RSPH6A: variants seen among roughly 807,000 people sequenced by gnomAD.
RSPH6A encodes the protein radial spoke head 6 homolog A.
In RSPH6A, 49 loss-of-function variants were observed where a neutral mutation model predicts 66.1. The ratio of observed to expected loss-of-function variants is 0.74; its 90% CI spans 0.59 to 0.94. The LOEUF (loss-of-function observed/expected upper bound fraction) is 0.94, where lower values mean the gene tolerates loss of function less well. Ranked by LOEUF, RSPH6A falls within the 40% of genes least tolerant of loss-of-function variation. The probability of loss-of-function intolerance (pLI) is 0.00; values close to 1 mark genes in which losing one functional copy is unlikely to be tolerated. For missense variants in RSPH6A, 977 were observed against 948.3 expected (o/e 1.03, Z -0.40); for synonymous variants, 419 against 402.4 (o/e 1.04, Z -0.49).
intron 2 of RSPH6A, among the ~76,000 whole-genome samples, chr19:45,807,134 C>T (rs1412507579): frequency 1.3e-5 from 2 of 151,756 alleles, no homozygotes; most frequent in Non-Finnish European, 2.9e-5. Context: ...CCTCGTGATC[C>T]GCCCGTCTTG....
Position 45,804,127 on chromosome 19 carries a change from TG to T in RSPH6A, c.1653+124del, listed in dbSNP as rs1195188425. On this transcript the variant is annotated intron_variant, in intron 3 of 5. Coordinates refer to ENST00000221538, the MANE Select transcript of RSPH6A (RefSeq NM_030785.4). This position sits in a 1 kb window ranked among gnomAD's most constrained non-coding sequence, Gnocchi z 5.8. ...AATATCTGTTGAACCAATGAATGGA[TG>T]GATGAATGAACGAATGAATATTAGT... The T allele has an allele frequency of 5.5e-6, 4 of 732,664 alleles. No individual in the cohort carries two copies. In the African/African-American group the frequency reaches 7.1e-5, roughly 13 times the overall value. The allele number at this position is 732,664 out of a possible 1,614,324, so 45.4% of individuals were successfully genotyped here.
In RSPH6A at chr19:45,804,319, A is replaced by C. The variant is rs1196948357; in HGVS notation, c.1586T>G (p.Ile529Ser). The change falls in exon 3 of 6, where the codon ATC becomes AGC. Residue 529 changes from isoleucine (I) to serine (S), a missense_variant. By Grantham distance (142) the Ile-to-Ser change is moderately radical. Coordinates refer to ENST00000221538, the MANE Select transcript of RSPH6A (RefSeq NM_030785.4). This position sits in a 1 kb window ranked among gnomAD's most constrained non-coding sequence, Gnocchi z 5.8. The stretch of plus-strand genomic sequence containing the variant: ...GGAGTCGACCAGCTCCAGCACGGGG[A>C]TGCCCTCGAAGTCCGGGTTCTCCTC... ...SYEENPDFEG[I>S]PVLELVDSMA... 6.2e-7 allele frequency: 1 copy of C among 1,614,044 alleles called. No homozygotes were observed. Among genetic ancestry groups the C allele is most frequent in the East Asian group, 2.2e-5 (1 of 44,886 alleles).
chr19:45,799,287 G>A (rs1332862761), intron 5 of RSPH6A, among the ~76,000 whole-genome samples: 1 of 152,254 alleles, frequency 6.6e-6, no homozygotes, highest in East Asian at 1.9e-4. Context: ...GCTGCCAGGT[G>A]CCTGCGGGGG....
At position 45,804,293 on chromosome 19, in the gene RSPH6A, T is replaced by C. The variant is rs749738592; in HGVS notation, c.1612A>G (p.Met538Val). 10 of 1,613,708 alleles carry C rather than the reference T, an allele frequency of 6.2e-6. No homozygotes were observed. In the Admixed American group the frequency reaches 1.0e-4, roughly 16 times the overall value. ...TGTGTGTGATGCACCCAGTTGGCCA[T>C]GGAGTCGACCAGCTCCAGCACGGGG... ...GIPVLELVDS[M>V]ANWVHHTQHI... Residue 538 changes from methionine (M) to valine (V), a missense_variant, in exon 3 of 6, where the codon ATG becomes GTG. Coordinates refer to ENST00000221538, the MANE Select transcript of RSPH6A (RefSeq NM_030785.4). This position sits in a 1 kb window ranked among gnomAD's most constrained non-coding sequence, Gnocchi z 5.8.
intron 1 of RSPH6A, among the ~76,000 whole-genome samples, chr19:45,812,314 C>G (rs1970640588): frequency 6.6e-6 from 1 of 152,028 alleles, no homozygotes; most frequent in South Asian, 2.1e-4. Flanking sequence ...GTCTCAAACT[C>G]CTGGACTCAA....
intron 4 of RSPH6A, among the ~76,000 whole-genome samples, chr19:45,800,786 T>TCC (rs1970463616): frequency 7.2e-6 from 1 of 139,222 alleles, no homozygotes; most frequent in African/African-American, 2.7e-5. Flanking sequence ...TCTCTCTCTC[T>TCC]CTCTCGCTCT....
Position 45,810,713 on chromosome 19 carries a change from G to T in RSPH6A, c.778C>A (p.Arg260=). The T allele has an allele frequency of 6.2e-7, 1 of 1,613,886 alleles. No homozygotes were observed. The highest frequency in any genetic ancestry group is 8.5e-7 in the Non-Finnish European group (1 of 1,179,986). Residue 260 remains arginine (R), a synonymous_variant, in exon 2 of 6, where the codon CGG becomes AGG. Transcript: ENST00000221538. The part of the protein sequence containing the change: ...EWFHPKLDTL[R]DDPEMQPTYK... Reference sequence around the variant, plus strand: ...GTGGGCTGCATCTCGGGGTCGTCCCGCAGCGTGTCCAGCTTGGGGTGGAAC... The same window carrying T: ...GTGGGCTGCATCTCGGGGTCGTCCCTCAGCGTGTCCAGCTTGGGGTGGAAC...
At chr19:45,796,133 A>T in intron 5 of RSPH6A, 27 bp from the exon 6 acceptor site, 36 of 1,413,048 alleles carry the variant, frequency 2.5e-5, no homozygotes, top group South Asian at 1.4e-4. Flanking sequence ...ACACTGTGAA[A>T]TTCTCCCTCA....
At chr19:45,807,231 T>A (rs1029794512) in intron 2 of RSPH6A, among the ~76,000 whole-genome samples, 7 of 151,502 alleles carry the variant, frequency 4.6e-5, no homozygotes, top group African/African-American at 9.7e-5. Flanking sequence ...TATTATTATT[T>A]TTGATACAGA....
At chr19:45,807,747 G>A (rs930262154) in intron 2 of RSPH6A, among the ~76,000 whole-genome samples, 2 of 152,072 alleles carry the variant, frequency 1.3e-5, no homozygotes, top group Non-Finnish European at 2.9e-5. Flanking sequence ...CTGACCTCAG[G>A]TGATCTGCCC....
chr19:45,800,211 C>T (rs1292590213), intron 5 of RSPH6A, among the ~76,000 whole-genome samples: 1 of 152,250 alleles, frequency 6.6e-6, no homozygotes, highest in East Asian at 1.9e-4. Flanking sequence ...GTCCCTCCCA[C>T]TCTCTTATTC....
chr19:45,806,796 C>T lies in RSPH6A; in HGVS notation c.889-1780G>A, dbSNP rs558918067. ...GGGCCACACACCAATGCTCTTCCTT[C>T]TCCCAGGGAAATGCCTGCCAGCCCC... is the stretch of plus-strand genomic sequence containing the variant. On this transcript the variant is annotated intron_variant, in intron 2 of 5. Coordinates refer to ENST00000221538, the MANE Select transcript of RSPH6A (RefSeq NM_030785.4). Among the ~76,000 whole-genome samples the T allele has an allele frequency of 4.3e-4, 65 of 151,444 alleles. No homozygotes were observed. The South Asian group carries it at 0.013, about 30-fold the overall frequency.
At chr19:45,802,896 C>T (rs1353688696) in intron 3 of RSPH6A, among the ~76,000 whole-genome samples, 1 of 151,412 alleles carries the variant, frequency 6.6e-6, no homozygotes, top group Non-Finnish European at 1.5e-5. Flanking sequence ...AAAGCTCCGC[C>T]TCCTGGGTTC....
intron 5 of RSPH6A, among the ~76,000 whole-genome samples, chr19:45,796,345 G>A (rs1970408990): frequency 6.6e-6 from 1 of 151,384 alleles, no homozygotes; most frequent in African/African-American, 2.4e-5. Context: ...GTAGAGATGG[G>A]GTTTCACCAT....
Position 45,807,047 on chromosome 19 carries a change from C to A in RSPH6A, c.889-2031G>T, listed in dbSNP as rs1222150956. ...TAGCTGGGATTATAGGCGTGCACCA[C>A]CACACCCAGCTAATTTTTGTATTTT... On this transcript the variant is annotated intron_variant, in intron 2 of 5. Transcript: ENST00000221538. Among the ~76,000 whole-genome samples, 7 of 151,574 alleles carry A rather than the reference C, an allele frequency of 4.6e-5. No individual in the cohort carries two copies. The South Asian group carries it at 8.3e-4, about 18-fold the overall frequency.
rs752335006 is a variant in RSPH6A at position 45,810,627 on chromosome 19, G to A, written c.864C>T (p.Gly288=). The A allele has an allele frequency of 7.4e-6, 12 of 1,613,708 alleles. No individual in the cohort carries two copies. Among genetic ancestry groups the A allele is most frequent in the East Asian group, 6.7e-5 (3 of 44,884 alleles). Residue 288 remains glycine (G), a synonymous_variant, in exon 2 of 6, where the codon GGC becomes GGT. Transcript: ENST00000221538. The part of the protein sequence containing the change: ...LFTRSGGGTE[G]EQEMEEEVGE... ...CCACCTCCTCCTCCATCTCCTGTTCGCCTTCAGTGCCGCCTCCACTCCGGG... is the reference window on the plus strand; with the variant it reads ...CCACCTCCTCCTCCATCTCCTGTTCACCTTCAGTGCCGCCTCCACTCCGGG...
In RSPH6A at chr19:45,814,924, T is replaced by C; in HGVS notation, c.253A>G (p.Met85Val). Residue 85 changes from methionine (M) to valine (V), a missense_variant, in exon 1 of 6, where the codon ATG (methionine) becomes GTG (valine). Physicochemically the swap from Met to Val is conservative, Grantham distance 21. Transcript: ENST00000221538. Reference sequence around the variant, plus strand: ...CCCGTGTTCACAGATGGGTACTCCATGCCACCCAGCCGGGCTTCCTCAGCC... The same window carrying C: ...CCCGTGTTCACAGATGGGTACTCCACGCCACCCAGCCGGGCTTCCTCAGCC... ...FQAEEARLGG[M>V]EYPSVNTGFP... The C allele has an allele frequency of 6.2e-7, 1 of 1,614,136 alleles. No homozygotes were observed. Among genetic ancestry groups the C allele is most frequent in the Non-Finnish European group, 8.5e-7 (1 of 1,180,038 alleles).
At chr19:45,798,612 G>A (rs1482360224) in intron 5 of RSPH6A, among the ~76,000 whole-genome samples, 1 of 151,060 alleles carries the variant, frequency 6.6e-6, no homozygotes, top group East Asian at 1.9e-4. Context: ...GCCGAGGTGG[G>A]CGGATCATGA....
chr19:45,814,476 G>A, intron 1 of RSPH6A, 51 bp downstream of exon 1: 3 of 1,439,926 alleles, frequency 2.1e-6, no homozygotes, highest in South Asian at 3.3e-5. Flanking sequence ...TTCGGGTGGG[G>A]CCCCTCCCTG....
Sources: allele counts gnomAD v4.1 joint callset (sites outside exome capture counted in the v4.1 genomes callset), GRCh38; gene constraint gnomAD v4.1.1; non-coding constraint Gnocchi (gnomAD v3.1); transcripts MANE v1.5; gene names NCBI Gene and HGNC (gene_info 2026-07-23, HGNC 2026-07-21).